The following FSTL4 variants were observed in gnomAD, a reference collection of about 807,000 sequenced individuals.
FSTL4 encodes the protein follistatin like 4.
Under a neutral mutation model 78.2 loss-of-function variants are expected in FSTL4, and 28 were observed. That is an observed-to-expected ratio of 0.36 (90% confidence interval 0.27 to 0.49). The LOEUF is 0.49. Ranked by LOEUF, FSTL4 falls within the 20% of genes least tolerant of loss-of-function variation. The pLI is 0.98. For synonymous variants in FSTL4, 422 were observed against 440.5 expected (o/e 0.96, Z 0.53); for missense variants, 922 against 1,084.9 (o/e 0.85, Z 2.11).
the FSTL4 span, among the ~76,000 whole-genome samples, chr5:133,730,007 A>C: frequency 2.0e-5 from 3 of 152,186 alleles, no homozygotes; most frequent in East Asian, 5.8e-4. Context: ...CAGAAAACGC[A>C]ATGTGGCCAC....
chr5:133,722,455 T>G, the FSTL4 span, among the ~76,000 whole-genome samples: 1 of 152,240 alleles, frequency 6.6e-6, no homozygotes, highest in Non-Finnish European at 1.5e-5. Context: ...TTCTTTTTAA[T>G]GATATCTCTT....
intron 3 of FSTL4, among the ~76,000 whole-genome samples, chr5:133,492,239 C>T (rs1373247007): frequency 6.6e-6 from 1 of 152,276 alleles, no homozygotes; most frequent in Non-Finnish European, 1.5e-5. Context: ...TTTTAAATGA[C>T]CCCAAATTAG....
chr5:133,539,498 G>T (rs747881007), intron 3 of FSTL4, among the ~76,000 whole-genome samples: 3 of 152,036 alleles, frequency 2.0e-5, no homozygotes, highest in Non-Finnish European at 4.4e-5. Context: ...ATAACAGTGG[G>T]GCGGCACAGG....
At chr5:133,791,385 A>G in the FSTL4 span, among the ~76,000 whole-genome samples, 3 of 152,074 alleles carry the variant, frequency 2.0e-5, no homozygotes, top group East Asian at 5.8e-4. Context: ...CATTACATGT[A>G]TATTATATTT....
At chr5:133,503,220 G>A (rs1758538302) in intron 3 of FSTL4, among the ~76,000 whole-genome samples, 1 of 152,170 alleles carries the variant, frequency 6.6e-6, no homozygotes, top group Non-Finnish European at 1.5e-5. Flanking sequence ...CCACAAAGTT[G>A]CACTAGAAGC....
Position 133,507,842 on chromosome 5 carries a change from AT to A in FSTL4, c.160+59343del, listed in dbSNP as rs558902621. Among the ~76,000 whole-genome samples the A allele has an allele frequency of 3.2e-3, 488 of 151,372 alleles. 2 individuals are homozygous for A. Among genetic ancestry groups the A allele is most frequent in the Non-Finnish European group, 4.8e-3 (323 of 67,864 alleles). On this transcript the variant is annotated intron_variant, in intron 3 of 15. Coordinates refer to ENST00000265342, the MANE Select transcript of FSTL4 (RefSeq NM_015082.2). The stretch of plus-strand genomic sequence containing the variant: ...GGCTGAAAGCATTAAAAAAATAATA[AT>A]AATAAAATAAAATAAAAAATAACAT...
chr5:133,329,396 G>A lies in FSTL4; in HGVS notation c.410-12744C>T, dbSNP rs1038602714. Among the ~76,000 whole-genome samples, 5 of 151,704 alleles carry A rather than the reference G, an allele frequency of 3.3e-5. No homozygotes were observed. The East Asian group carries it at 9.6e-4, about 29-fold the overall frequency. ...AGAGGGCCAGAACTCAAAAGAGAGA[G>A]AGAGATATATATATATTTATTTATT... is the stretch of plus-strand genomic sequence containing the variant. On this transcript the variant is annotated intron_variant, in intron 4 of 15. Coordinates refer to ENST00000265342, the MANE Select transcript of FSTL4 (RefSeq NM_015082.2).
intron 3 of FSTL4, among the ~76,000 whole-genome samples, chr5:133,441,592 C>T (rs1020911688): frequency 6.6e-6 from 1 of 152,180 alleles, no homozygotes; most frequent in South Asian, 2.1e-4. Flanking sequence ...CTGAGGCAAG[C>T]AAGTGATAGA....
the FSTL4 span, among the ~76,000 whole-genome samples, chr5:133,693,930 T>C: frequency 6.6e-6 from 1 of 152,170 alleles, no homozygotes; most frequent in African/African-American, 2.4e-5. Context: ...TTGAAGGCAA[T>C]TCTTCCCCAT....
In FSTL4 at chr5:133,197,602, G is replaced by C. The variant is rs1750182661; in HGVS notation, c.*1493C>G. 1 of 152,254 alleles carries C rather than the reference G, an allele frequency of 6.6e-6. No individual in the cohort carries two copies. Among genetic ancestry groups the C allele is most frequent in the South Asian group, 2.1e-4 (1 of 4,828 alleles). 9.4% of individuals were successfully genotyped at this position (152,254 alleles called of 1,614,324 possible). On this transcript the variant is annotated 3_prime_UTR_variant, in exon 16 of 16. Transcript: ENST00000265342. ...ACAGAGTCTAGGGTTTCCTCTCCTT[G>C]AAAGAGTTCATTCCTTAATGGCAAA...
the FSTL4 span, among the ~76,000 whole-genome samples, chr5:133,622,337 T>C: frequency 1.3e-5 from 2 of 152,322 alleles, no homozygotes; most frequent in East Asian, 1.9e-4. Context: ...AAAGTTGCTA[T>C]AAATATTTGT....
rs753110575 is a variant in FSTL4, at chr5:133,201,996, G to A, written c.1763C>T (p.Thr588Ile). The A allele has an allele frequency of 8.7e-6, 14 of 1,612,662 alleles. No homozygotes were observed. The East Asian group carries it at 1.8e-4, about 21-fold the overall frequency. Residue 588 changes from threonine to isoleucine, a missense_variant, in exon 15 of 16, where the codon ACA (threonine) becomes ATA (isoleucine). Transcript: ENST00000265342. ...GAAATCATCCACTCCTGCAAAGGGT[G>A]TGCGGATGAGGTGCTGGCTCTGGCC... ...STGQSQHLIR[T>I]PFAGVDDFFI...
the FSTL4 span, among the ~76,000 whole-genome samples, chr5:133,679,383 C>A: frequency 2.0e-5 from 3 of 152,138 alleles, no homozygotes; most frequent in African/African-American, 2.4e-5. Flanking sequence ...TGAAAGAAAC[C>A]TTTCTGTGGG....
At chr5:133,659,809 CT>C in the FSTL4 span, among the ~76,000 whole-genome samples, 546 of 152,084 alleles carry the variant, frequency 3.6e-3, 3 homozygotes, top group African/African-American at 0.012. Context: ...TGTTTCCCCC[CT>C]ATCAATTTCT....
intron 4 of FSTL4, among the ~76,000 whole-genome samples, chr5:133,362,120 T>A (rs1037124020): frequency 6.6e-6 from 1 of 152,210 alleles, no homozygotes; most frequent in African/African-American, 2.4e-5. Context: ...GGCAACACAG[T>A]GTTGTGGCAT....
At chr5:133,384,272 C>G (rs1755647354) in intron 4 of FSTL4, among the ~76,000 whole-genome samples, 1 of 152,226 alleles carries the variant, frequency 6.6e-6, no homozygotes, top group Non-Finnish European at 1.5e-5. Context: ...GAATCACACT[C>G]TGACTTCGGC....
At chr5:133,231,449 A>T (rs1751492659) in intron 8 of FSTL4, among the ~76,000 whole-genome samples, 1 of 152,108 alleles carries the variant, frequency 6.6e-6, no homozygotes, top group South Asian at 2.1e-4. Flanking sequence ...GCAGAGACCC[A>T]ACTCTTTCCT....
chr5:133,343,834 T>A (rs768693284), intron 4 of FSTL4, among the ~76,000 whole-genome samples: 2,335 of 152,322 alleles, frequency 0.015, 23 homozygotes, highest in Non-Finnish European at 0.025. Context: ...AGAATCTCAG[T>A]GGGTGGTAAT....
the FSTL4 span, among the ~76,000 whole-genome samples, chr5:133,701,509 A>ACCCC: frequency 2.4e-3 from 316 of 132,666 alleles, 2 homozygotes; most frequent in Middle Eastern, 0.047. Flanking sequence ...ACACACACAC[A>ACCCC]CCCCACAGGC....
Sources: allele counts gnomAD v4.1 joint callset (sites outside exome capture counted in the v4.1 genomes callset), GRCh38; gene constraint gnomAD v4.1.1; transcripts MANE v1.5; gene names NCBI Gene and HGNC (gene_info 2026-07-23, HGNC 2026-07-21).